Variants in CADM2 observed in about 807,000 individuals in gnomAD.
The protein encoded by CADM2 is cell adhesion molecule 2, also known as immunoglobulin superfamily member 4D.
CADM2 carries 12 observed loss-of-function variants against 49.8 expected under a neutral mutation model. The ratio of observed to expected loss-of-function variants is 0.24; its 90% CI spans 0.15 to 0.39. CADM2 has a LOEUF of 0.39. Ranked by LOEUF, CADM2 falls within the 10% of genes least tolerant of loss-of-function variation. The pLI is 1.00. For missense variants in CADM2, 378 were observed against 492.3 expected (o/e 0.77, Z 2.20); for synonymous variants, 214 against 175.4 (o/e 1.22, Z -1.74).
intron 1 of CADM2, among the ~76,000 whole-genome samples, chr3:85,133,338 T>C (rs1199431917): frequency 3.3e-5 from 5 of 152,170 alleles, no homozygotes; most frequent in Admixed American, 6.5e-5. Context: ...TGGTCTGTTT[T>C]GACAGGGCAC....
intron 1 of CADM2, among the ~76,000 whole-genome samples, chr3:85,504,449 G>C (rs946363804): frequency 8.5e-5 from 13 of 152,176 alleles, no homozygotes; most frequent in Non-Finnish European, 1.5e-4. Flanking sequence ...ACTGCTGCTC[G>C]GGCAGCCTGC....
chr3:85,953,704 T>C (rs1362801537), intron 7 of CADM2, among the ~76,000 whole-genome samples: 1 of 151,000 alleles, frequency 6.6e-6, no homozygotes, highest in Non-Finnish European at 1.5e-5. Context: ...CAGATATTTA[T>C]TTTAGTTTTT....
intron 1 of CADM2, among the ~76,000 whole-genome samples, chr3:85,147,304 A>AT: frequency 6.7e-6 from 1 of 148,180 alleles, no homozygotes; most frequent in Non-Finnish European, 1.5e-5. Context: ...AAAAAAAAAA[A>AT]AGACAACATG....
chr3:85,385,177 C>G (rs944674301), intron 1 of CADM2, among the ~76,000 whole-genome samples: 8 of 152,142 alleles, frequency 5.3e-5, no homozygotes, highest in Non-Finnish European at 1.2e-4. Flanking sequence ...TCAGGTGATC[C>G]ACCTGCCTCA....
chr3:85,163,911 T>A (rs1004470124), intron 1 of CADM2, among the ~76,000 whole-genome samples: 3 of 152,066 alleles, frequency 2.0e-5, no homozygotes, highest in African/African-American at 7.2e-5. Flanking sequence ...CCATTAGTAG[T>A]AATTCCTCAT....
chr3:85,099,475 T>TC (rs1252107872), intron 1 of CADM2, among the ~76,000 whole-genome samples: 2 of 151,586 alleles, frequency 1.3e-5, no homozygotes, highest in Admixed American at 1.3e-4. Context: ...TTAAATTTTT[T>TC]TTTTTTTTTT....
intron 1 of CADM2, among the ~76,000 whole-genome samples, chr3:85,546,533 T>A (rs2061673494): frequency 6.6e-6 from 1 of 151,964 alleles, no homozygotes; most frequent in African/African-American, 2.4e-5. Context: ...ATTGCTAACA[T>A]TAGAATGGGC....
chr3:85,834,728 A>G (rs2074329947), intron 3 of CADM2, among the ~76,000 whole-genome samples: 1 of 148,920 alleles, frequency 6.7e-6, no homozygotes, highest in Non-Finnish European at 1.5e-5. Context: ...GTTTTCCTGT[A>G]TCTTCTTGGG....
chr3:86,041,759 C>G (rs995048596), intron 8 of CADM2, among the ~76,000 whole-genome samples: 7 of 152,148 alleles, frequency 4.6e-5, no homozygotes, highest in African/African-American at 1.7e-4. Flanking sequence ...ACTTTCCCCC[C>G]AAATCAACAA....
intron 1 of CADM2, among the ~76,000 whole-genome samples, chr3:85,241,796 G>C (rs1046375343): frequency 2.6e-5 from 4 of 151,376 alleles, no homozygotes; most frequent in African/African-American, 9.7e-5. Context: ...TTTCAGGTAG[G>C]TCATTTACTT....
chr3:84,973,732 G>T (rs1434729555), intron 1 of CADM2, among the ~76,000 whole-genome samples: 1 of 66,950 alleles, frequency 1.5e-5, no homozygotes, highest in Non-Finnish European at 3.8e-5. Context: ...TGATGCCTCA[G>T]GGAAAACATT....
At chr3:85,837,151 T>C (rs1468343187) in intron 3 of CADM2, among the ~76,000 whole-genome samples, 8 of 151,640 alleles carry the variant, frequency 5.3e-5, no homozygotes, top group Admixed American at 4.6e-4. Flanking sequence ...CTCATCGTCC[T>C]AACAACACAA....
intron 1 of CADM2, among the ~76,000 whole-genome samples, chr3:85,608,524 T>G (rs1220764128): frequency 6.6e-6 from 1 of 152,154 alleles, no homozygotes; most frequent in African/African-American, 2.4e-5. Context: ...TCAATTACAA[T>G]TGCTAAATTT....
chr3:85,477,673 T>A (rs541700179), intron 1 of CADM2, among the ~76,000 whole-genome samples: 1 of 152,042 alleles, frequency 6.6e-6, no homozygotes, highest in Admixed American at 6.6e-5. Flanking sequence ...CTTTGGGGTC[T>A]GTCTGTCTGT....
intron 1 of CADM2, among the ~76,000 whole-genome samples, chr3:85,690,091 A>T (rs931580458): frequency 2.0e-5 from 3 of 151,966 alleles, no homozygotes; most frequent in African/African-American, 2.4e-5. Context: ...TTGTTTCATA[A>T]TTTTTTTTAT....
intron 1 of CADM2, among the ~76,000 whole-genome samples, chr3:85,239,907 A>C (rs1378910211): frequency 6.6e-6 from 1 of 151,440 alleles, no homozygotes; most frequent in East Asian, 1.9e-4. Context: ...TATACTTAAA[A>C]ATTTAAGTAT....
At chr3:85,191,870 A>T (rs1250862834) in intron 1 of CADM2, among the ~76,000 whole-genome samples, 2 of 151,966 alleles carry the variant, frequency 1.3e-5, no homozygotes, top group Non-Finnish European at 2.9e-5. Context: ...TAGTTTTCAG[A>T]AGGCTTCCAC....
At chr3:85,130,414 G>A (rs1446550906) in intron 1 of CADM2, among the ~76,000 whole-genome samples, 1 of 152,146 alleles carries the variant, frequency 6.6e-6, no homozygotes, top group Non-Finnish European at 1.5e-5. Flanking sequence ...CCAGGAAAAT[G>A]TGCAAATATA....
At chr3:85,120,808 T>A (rs2038837463) in intron 1 of CADM2, among the ~76,000 whole-genome samples, 1 of 151,942 alleles carries the variant, frequency 6.6e-6, no homozygotes, top group Admixed American at 6.6e-5. Context: ...ACCCCAGAAC[T>A]TAAAGTATAA....
Sources: allele counts gnomAD v4.1 joint callset (sites outside exome capture counted in the v4.1 genomes callset), GRCh38; gene constraint gnomAD v4.1.1; transcripts MANE v1.5; gene names NCBI Gene and HGNC (gene_info 2026-07-23, HGNC 2026-07-21).